Variants in GKAP1 observed in about 807,000 individuals in gnomAD.
GKAP1 encodes the protein G kinase anchoring protein 1, also known as G kinase-anchoring protein 1.
GKAP1 carries 31 observed loss-of-function variants against 56.7 expected under a neutral mutation model. That is an observed-to-expected ratio of 0.55 (90% CI 0.41 to 0.74). The LOEUF (loss-of-function observed/expected upper bound fraction) is 0.74. Ranked by LOEUF, GKAP1 falls within the 30% of genes least tolerant of loss-of-function variation. The probability of loss-of-function intolerance (pLI) is 0.00; values close to 1 mark genes in which losing one functional copy is unlikely to be tolerated. For missense variants in GKAP1, 364 were observed against 402.3 expected (o/e 0.90, Z 0.82); for synonymous variants, 151 against 138.6 (o/e 1.09, Z -0.63).
intron 10 of GKAP1, among the ~76,000 whole-genome samples, chr9:83,745,314 G>C (rs1465845328): frequency 6.6e-6 from 1 of 152,186 alleles, no homozygotes; most frequent in Non-Finnish European, 1.5e-5. Flanking sequence ...TTACAGGTGT[G>C]AGCCACTGTG....
chr9:83,767,382 C>T lies in GKAP1; in HGVS notation c.738+1436G>A, dbSNP rs1214713855. On this transcript the variant is annotated intron_variant, in intron 8 of 12. Transcript: ENST00000376371. ...TCACATATTTTTTTTTTTTTTGAGA[C>T]GGAGTCTTGCTCTGTCATCCAGGCT... Among the ~76,000 whole-genome samples the T allele has an allele frequency of 3.3e-5, 5 of 149,438 alleles. No homozygotes were observed. In the East Asian group the frequency reaches 5.8e-4, roughly 17 times the overall value.
intron 8 of GKAP1, among the ~76,000 whole-genome samples, chr9:83,761,084 C>A (rs1347597197): frequency 2.0e-5 from 3 of 146,716 alleles, no homozygotes; most frequent in African/African-American, 2.5e-5. Flanking sequence ...AATGAAGAAT[C>A]CAAAAGTTGA....
intron 5 of GKAP1, among the ~76,000 whole-genome samples, chr9:83,785,276 T>C (rs988789816): frequency 6.6e-6 from 1 of 152,102 alleles, no homozygotes; most frequent in African/African-American, 2.4e-5. Flanking sequence ...ACTGCTAAGT[T>C]TCCTTTGCTG....
chr9:83,780,886 A>G (rs1943960473), intron 6 of GKAP1, among the ~76,000 whole-genome samples: 2 of 152,234 alleles, frequency 1.3e-5, no homozygotes, highest in Admixed American at 6.5e-5. Flanking sequence ...TTAAAAGCAT[A>G]TATCAAGGTG....
In GKAP1 at chr9:83,806,497, A is replaced by G. The variant is rs768612026; in HGVS notation, c.21T>C (p.Ser7=). The change falls in exon 3 of 13, where the codon AGT becomes AGC. Residue 7 remains serine, a synonymous_variant. Coordinates refer to ENST00000376371, the MANE Select transcript of GKAP1 (RefSeq NM_025211.4). ...AACGAGAAGCGGTGGTGGGAACAGA[A>G]CTAAGTACTGCTGAGGCCATCGTAA... MASAVL[S]SVPTTASRFA... is the part of the protein sequence containing the mutation. 6.2e-7 allele frequency: 1 copy of G among 1,614,096 alleles called. No homozygotes were observed. The highest frequency in any genetic ancestry group is 1.1e-5 in the South Asian group (1 of 91,056).
chr9:83,745,142 C>T (rs1001285143), intron 10 of GKAP1, among the ~76,000 whole-genome samples: 1 of 152,052 alleles, frequency 6.6e-6, no homozygotes, highest in African/African-American at 2.4e-5. Flanking sequence ...GCAATCCTCC[C>T]ACCTTAGCCT....
intron 12 of GKAP1, among the ~76,000 whole-genome samples, chr9:83,741,358 TCTCACA>T (rs373854764): frequency 0.042 from 6,215 of 147,666 alleles, 145 homozygotes; most frequent in South Asian, 0.051. Context: ...TAAATATATC[TCTCACA>T]CACACACACA....
chr9:83,784,466 T>C (rs1424135269), intron 6 of GKAP1, among the ~76,000 whole-genome samples: 10 of 152,160 alleles, frequency 6.6e-5, no homozygotes, highest in Admixed American at 6.5e-4. Context: ...GCTGGCATCT[T>C]GATATTGGAC....
At chr9:83,785,763 C>T (rs148087910) in intron 5 of GKAP1, among the ~76,000 whole-genome samples, 16 of 152,270 alleles carry the variant, frequency 1.1e-4, no homozygotes, top group East Asian at 1.9e-4. Flanking sequence ...CCATCTTCTA[C>T]GCTGCTACAT....
intron 7 of GKAP1, among the ~76,000 whole-genome samples, chr9:83,779,471 A>ACG (rs1564201465): frequency 1.2e-4 from 11 of 93,072 alleles, no homozygotes; most frequent in Admixed American, 5.7e-4. Flanking sequence ...ACACGCACAT[A>ACG]TACATATACA....
intron 8 of GKAP1, among the ~76,000 whole-genome samples, chr9:83,757,397 T>C (rs1026429016): frequency 6.6e-6 from 1 of 152,208 alleles, no homozygotes; most frequent in East Asian, 1.9e-4. Flanking sequence ...TACAAACACA[T>C]GCACACATAG....
intron 12 of GKAP1, among the ~76,000 whole-genome samples, chr9:83,741,370 A>T (rs1269519859): frequency 6.6e-6 from 1 of 151,178 alleles, no homozygotes; most frequent in East Asian, 1.9e-4. Flanking sequence ...TCACACACAC[A>T]CACACACACA....
rs1359011744 is a variant in GKAP1, at chr9:83,762,475, AC to A, written c.738+6342del. 2.0e-5 allele frequency among the ~76,000 whole-genome samples: 3 copies of A among 152,156 alleles called. No homozygotes were observed. The East Asian group carries it at 5.8e-4, about 29-fold the overall frequency. On this transcript the variant is annotated intron_variant, in intron 8 of 12. Coordinates refer to ENST00000376371, the MANE Select transcript of GKAP1 (RefSeq NM_025211.4). ...TGAATATTGTTAAAATGTCGATACC[AC>A]CCAAAGCAATCTACAGATTCAATGC...
chr9:83,800,343 T>TG lies in GKAP1; in HGVS notation c.217-1016_217-1015insC, dbSNP rs1230902844. On this transcript the variant is annotated intron_variant, in intron 3 of 12. Coordinates refer to ENST00000376371, the MANE Select transcript of GKAP1 (RefSeq NM_025211.4). ...GCTGCCTCCTTACGTTTTTTTTTTG[T>TG]TTTTTTTTTTTTTGGCAGAGTCTCG... Among the ~76,000 whole-genome samples the TG allele has an allele frequency of 5.5e-3, 705 of 127,340 alleles. 11 individuals are homozygous for TG. The highest frequency in any genetic ancestry group is 0.032 in the East Asian group (136 of 4,282). 83.5% of individuals were successfully genotyped at this position (127,340 alleles called of 152,430 possible). A position where few individuals can be genotyped will look rare whatever the true frequency, so the allele number is the denominator to read the frequency against.
intron 4 of GKAP1, among the ~76,000 whole-genome samples, chr9:83,789,324 C>A (rs1165675046): frequency 6.6e-6 from 1 of 152,198 alleles, no homozygotes; most frequent in East Asian, 1.9e-4. Context: ...ACCCTCCAAT[C>A]CAATTAATCT....
Position 83,742,130 on chromosome 9 carries a change from ATGAG to A in GKAP1, c.976-105_976-102del, listed in dbSNP as rs1943218934. 4.2e-6 allele frequency: 3 copies of A among 716,102 alleles called. No homozygotes were observed. The East Asian group carries it at 8.1e-5, about 19-fold the overall frequency. The allele number at this position is 716,102 out of a possible 1,614,324, so 44.4% of individuals were successfully genotyped here. A position where few individuals can be genotyped will look rare whatever the true frequency, so the allele number is the denominator to read the frequency against. On this transcript the variant is annotated intron_variant, in intron 11 of 12. Coordinates refer to ENST00000376371, the MANE Select transcript of GKAP1 (RefSeq NM_025211.4). ...TGATAGGTTTTTGACAGCTAAATGG[ATGAG>A]TAACAGAGAAGCTCCCCCCATAATT...
intron 7 of GKAP1, among the ~76,000 whole-genome samples, chr9:83,770,058 GTTT>G (rs1943731344): frequency 6.6e-6 from 1 of 151,878 alleles, no homozygotes; most frequent in Admixed American, 6.6e-5. Context: ...TGGGTTACTT[GTTT>G]TTTTGAGTTG....
chr9:83,790,234 A>G (rs1944132202), intron 4 of GKAP1, among the ~76,000 whole-genome samples: 1 of 152,244 alleles, frequency 6.6e-6, no homozygotes, highest in African/African-American at 2.4e-5. Context: ...CTAGAAAATC[A>G]GATTAAGCCC....
chr9:83,758,215 G>A (rs1304133794), intron 8 of GKAP1, among the ~76,000 whole-genome samples: 1 of 151,966 alleles, frequency 6.6e-6, no homozygotes, highest in African/African-American at 2.4e-5. Context: ...TCGATTCCAA[G>A]GAAATGATTC....
Sources: gnomAD v4.1 joint callset for allele counts (sites outside exome capture counted in the v4.1 genomes callset) on GRCh38, gnomAD v4.1.1 for gene constraint, MANE v1.5 for transcripts, NCBI Gene and HGNC (gene_info 2026-07-23, HGNC 2026-07-21) for gene names.